Variants in FBXO8 observed in about 807,000 individuals in gnomAD.
The protein encoded by FBXO8 is F-box only protein 8.
Under a neutral mutation model 33.4 loss-of-function variants are expected in FBXO8, and 15 were observed. That is an observed-to-expected ratio of 0.45 (90% CI 0.30 to 0.69). The LOEUF (loss-of-function observed/expected upper bound fraction) is 0.69. Ranked by LOEUF, FBXO8 falls within the 30% of genes least tolerant of loss-of-function variation. FBXO8 has a pLI of 0.08. For synonymous variants in FBXO8, 132 were observed against 131.5 expected, an observed-to-expected ratio of 1.00 and a Z score of -0.02; for missense variants, 274 against 380.3, an observed-to-expected ratio of 0.72 and a Z score of 2.32.
chr4:174,245,707 A>G lies in FBXO8; in HGVS notation c.457-4489T>C, dbSNP rs1216533402. Among the ~76,000 whole-genome samples the G allele has an allele frequency of 6.6e-6, 1 of 151,996 alleles. No individual in the cohort carries two copies. Among genetic ancestry groups the G allele is most frequent in the East Asian group, 1.9e-4 (1 of 5,196 alleles). On this transcript the variant is annotated intron_variant, in intron 3 of 5. Coordinates refer to ENST00000393674, the MANE Select transcript of FBXO8 (RefSeq NM_012180.3). The surrounding 1 kb of genome is among the most constrained non-coding windows in gnomAD (Gnocchi z 4.6). ...TGAAAGAAAAATTAGATAGTGGGCTATTCAGCGGAGCACTCACTTAAAAAA... is the reference window on the plus strand; with the variant it reads ...TGAAAGAAAAATTAGATAGTGGGCTGTTCAGCGGAGCACTCACTTAAAAAA...
rs151151331 is a variant in FBXO8, at chr4:174,267,988, G to T, written c.-8-4888C>A. On this transcript the variant is annotated intron_variant, in intron 1 of 5. Coordinates refer to ENST00000393674, the MANE Select transcript of FBXO8 (RefSeq NM_012180.3). The surrounding 1 kb of genome is among the most constrained non-coding windows in gnomAD (Gnocchi z 4.7). ...AGCTTTATTTGTTCACTCAAAATAG[G>T]TGGAGAAAATAGATATTTATTTCTT... Among the ~76,000 whole-genome samples, 152 of 152,298 alleles carry T rather than the reference G, an allele frequency of 1.0e-3. No individual in the cohort carries two copies. The highest frequency in any genetic ancestry group is 3.6e-3 in the African/African-American group (149 of 41,568).
rs1370796831 is a variant in FBXO8 at position 174,251,451 on chromosome 4, CT to C, written c.456+8247del. ...GATTCTACACCACATGTTGGAGTGA[CT>C]CTGGGAGAAAAGGGAAAAGGAGGGT... On this transcript the variant is annotated intron_variant, in intron 3 of 5. Coordinates refer to ENST00000393674, the MANE Select transcript of FBXO8 (RefSeq NM_012180.3). The surrounding 1 kb of genome is among the most constrained non-coding windows in gnomAD (Gnocchi z 4.2). Among the ~76,000 whole-genome samples the C allele has an allele frequency of 6.6e-6, 1 of 152,068 alleles. No homozygotes were observed. Among genetic ancestry groups the C allele is most frequent in the Non-Finnish European group, 1.5e-5 (1 of 68,006 alleles).
In FBXO8 at chr4:174,283,543, C is replaced by T. The variant is rs1487834447; in HGVS notation, c.-142G>A. The stretch of plus-strand genomic sequence containing the variant: ...GAAGCTGATTCAAACTTTACTTGTC[C>T]ACACCGGTAGAGGTGACCGCGATGA... On this transcript the variant is annotated 5_prime_UTR_variant, in exon 1 of 6. Transcript: ENST00000393674. This position sits in a 1 kb window ranked among gnomAD's most constrained non-coding sequence, Gnocchi z 6.7. 1.5e-5 allele frequency: 3 copies of T among 206,000 alleles called. No homozygotes were observed. The highest frequency in any genetic ancestry group is 6.0e-5 in the Admixed American group (1 of 16,766). 12.8% of individuals were successfully genotyped at this position (206,000 alleles called of 1,614,324 possible). A position where few individuals can be genotyped will look rare whatever the true frequency, so the allele number is the denominator to read the frequency against.
intron 3 of FBXO8, among the ~76,000 whole-genome samples, chr4:174,250,039 G>A (rs971059867): frequency 6.6e-6 from 1 of 151,918 alleles, no homozygotes; most frequent in Non-Finnish European, 1.5e-5. Flanking sequence ...TGTTGTAGTT[G>A]TACCTTTAGT....
rs1348377236 is a variant in FBXO8, at chr4:174,277,881, ACT to A, written c.-9+5527_-9+5528del. Among the ~76,000 whole-genome samples the A allele has an allele frequency of 6.6e-6, 1 of 152,070 alleles. No individual in the cohort carries two copies. Among genetic ancestry groups the A allele is most frequent in the Non-Finnish European group, 1.5e-5 (1 of 67,960 alleles). ...CAGTGCTTTTAAGTAAAAAGTAGCA[ACT>A]CTATTTTTGGTTACTTCAGGTTTTA... On this transcript the variant is annotated intron_variant, in intron 1 of 5. Coordinates refer to ENST00000393674, the MANE Select transcript of FBXO8 (RefSeq NM_012180.3). This position sits in a 1 kb window ranked among gnomAD's most constrained non-coding sequence, Gnocchi z 4.9.
chr4:174,281,652 A>G lies in FBXO8; in HGVS notation c.-9+1758T>C, dbSNP rs181535842. ...GGCTACAGTGAGTCTTGTTCGCACC[A>G]CTGCACTCCAGCCTGGGCAACAGAA... On this transcript the variant is annotated intron_variant, in intron 1 of 5. Coordinates refer to ENST00000393674, the MANE Select transcript of FBXO8 (RefSeq NM_012180.3). The surrounding 1 kb of genome is among the most constrained non-coding windows in gnomAD (Gnocchi z 4.6). 6.6e-6 allele frequency among the ~76,000 whole-genome samples: 1 copy of G among 152,272 alleles called. No individual in the cohort carries two copies. Among genetic ancestry groups the G allele is most frequent in the Admixed American group, 6.5e-5 (1 of 15,290 alleles).
chr4:174,250,160 A>C (rs979893198), intron 3 of FBXO8, among the ~76,000 whole-genome samples: 2 of 152,026 alleles, frequency 1.3e-5, no homozygotes, highest in African/African-American at 4.8e-5. Flanking sequence ...TCCCCATTTT[A>C]CAGATGGGGA....
chr4:174,277,142 T>G lies in FBXO8; in HGVS notation c.-9+6268A>C, dbSNP rs1037207304. Among the ~76,000 whole-genome samples the G allele has an allele frequency of 6.6e-5, 10 of 152,166 alleles. No homozygotes were observed. The highest frequency in any genetic ancestry group is 2.2e-4 in the African/African-American group (9 of 41,446). On this transcript the variant is annotated intron_variant, in intron 1 of 5. Coordinates refer to ENST00000393674, the MANE Select transcript of FBXO8 (RefSeq NM_012180.3). This position sits in a 1 kb window ranked among gnomAD's most constrained non-coding sequence, Gnocchi z 4.9. ...GGATTAACTACAAATAATTACACAT[T>G]TATTAAAATTTATAAGAACAATAAT...
At position 174,267,515 on chromosome 4, in the gene FBXO8, C is replaced by A. The variant is rs578207362; in HGVS notation, c.-8-4415G>T. ...TGAGCTATGATCACACCACTGCACT[C>A]CAGCCTGAGTGACAGAGTGAGACCT... is the stretch of plus-strand genomic sequence containing the variant. On this transcript the variant is annotated intron_variant, in intron 1 of 5. Coordinates refer to ENST00000393674, the MANE Select transcript of FBXO8 (RefSeq NM_012180.3). This position sits in a 1 kb window ranked among gnomAD's most constrained non-coding sequence, Gnocchi z 4.7. 5.5e-4 allele frequency among the ~76,000 whole-genome samples: 84 copies of A among 152,108 alleles called. No homozygotes were observed. Among genetic ancestry groups the A allele is most frequent in the Admixed American group, 4.1e-3 (62 of 15,274 alleles).
chr4:174,262,208 G>C lies in FBXO8; in HGVS notation c.329+556C>G, dbSNP rs546709186. Among the ~76,000 whole-genome samples the C allele has an allele frequency of 1.3e-5, 2 of 152,102 alleles. No homozygotes were observed. The highest frequency in any genetic ancestry group is 2.9e-5 in the Non-Finnish European group (2 of 67,966). On this transcript the variant is annotated intron_variant, in intron 2 of 5. Coordinates refer to ENST00000393674, the MANE Select transcript of FBXO8 (RefSeq NM_012180.3). The surrounding 1 kb of genome is among the most constrained non-coding windows in gnomAD (Gnocchi z 4.6). ...CTTTCTAATATTTGCCTACTTCATT[G>C]AAATGCTGGTTAGAAAAAAAAAGTA...
At chr4:174,282,694 A>G (rs1202593142) in intron 1 of FBXO8, among the ~76,000 whole-genome samples, 1 of 152,160 alleles carries the variant, frequency 6.6e-6, no homozygotes, top group Non-Finnish European at 1.5e-5. Context: ...AAATCATGAT[A>G]TATTCATTTG....
In FBXO8 at chr4:174,267,701, A is replaced by T. The variant is rs1736725491; in HGVS notation, c.-8-4601T>A. Among the ~76,000 whole-genome samples, 1 of 152,226 alleles carries T rather than the reference A, an allele frequency of 6.6e-6. No homozygotes were observed. Among genetic ancestry groups the T allele is most frequent in the African/African-American group, 2.4e-5 (1 of 41,470 alleles). ...ACTGAACCAATTAAAACTTAATTTCAAAGTATAAAGTTTTCAGATTTGTGT... is the reference window on the plus strand; with the variant it reads ...ACTGAACCAATTAAAACTTAATTTCTAAGTATAAAGTTTTCAGATTTGTGT... On this transcript the variant is annotated intron_variant, in intron 1 of 5. Coordinates refer to ENST00000393674, the MANE Select transcript of FBXO8 (RefSeq NM_012180.3). This position sits in a 1 kb window ranked among gnomAD's most constrained non-coding sequence, Gnocchi z 4.7.
Position 174,272,008 on chromosome 4 carries a change from G to A in FBXO8, c.-8-8908C>T, listed in dbSNP as rs1005341188. On this transcript the variant is annotated intron_variant, in intron 1 of 5. Transcript: ENST00000393674. The surrounding 1 kb of genome is among the most constrained non-coding windows in gnomAD (Gnocchi z 4.7). ...TTCCAGTTTACTTGGGACCCCCTTAGGGGCTACAAAGAAACTCCTAAGGCA... is the reference window on the plus strand; with the variant it reads ...TTCCAGTTTACTTGGGACCCCCTTAAGGGCTACAAAGAAACTCCTAAGGCA... Among the ~76,000 whole-genome samples, 1 of 152,138 alleles carries A rather than the reference G, an allele frequency of 6.6e-6. No individual in the cohort carries two copies. Among genetic ancestry groups the A allele is most frequent in the African/African-American group, 2.4e-5 (1 of 41,432 alleles).
At position 174,259,452 on chromosome 4, in the gene FBXO8, G is replaced by A. The variant is rs1736492914; in HGVS notation, c.456+247C>T. Among the ~76,000 whole-genome samples, 1 of 152,080 alleles carries A rather than the reference G, an allele frequency of 6.6e-6. No individual in the cohort carries two copies. The highest frequency in any genetic ancestry group is 2.1e-4 in the South Asian group (1 of 4,826). The stretch of plus-strand genomic sequence containing the variant: ...TACTAATATTGTAATCAGGTCAGTA[G>A]AGGACTGAATATATATCATGGATGC... On this transcript the variant is annotated intron_variant, in intron 3 of 5. Transcript: ENST00000393674. This position sits in a 1 kb window ranked among gnomAD's most constrained non-coding sequence, Gnocchi z 4.3.
Position 174,241,232 on chromosome 4 carries a change from A to G in FBXO8, c.457-14T>C, listed in dbSNP as rs528824518. Reference sequence around the variant, plus strand: ...GTAGTTCACTCCCTAAGGCAGAAAGACAAGTCTACATAAATAAAATTGCTC... The same window carrying G: ...GTAGTTCACTCCCTAAGGCAGAAAGGCAAGTCTACATAAATAAAATTGCTC... On this transcript the variant is annotated splice_polypyrimidine_tract_variant and intron_variant, in intron 3 of 5. Transcript: ENST00000393674. This position sits in a 1 kb window ranked among gnomAD's most constrained non-coding sequence, Gnocchi z 4.2. 7 of 1,465,086 alleles carry G rather than the reference A, an allele frequency of 4.8e-6. No individual in the cohort carries two copies. Among genetic ancestry groups the G allele is most frequent in the Middle Eastern group, 1.7e-4 (1 of 5,734 alleles). 90.8% of individuals were successfully genotyped at this position (1,465,086 alleles called of 1,614,324 possible).
chr4:174,248,736 A>G (rs1472010814), intron 3 of FBXO8, among the ~76,000 whole-genome samples: 1 of 152,086 alleles, frequency 6.6e-6, no homozygotes, highest in Non-Finnish European at 1.5e-5. Context: ...ATGTATAAAC[A>G]TTGTTTGAAT....
At position 174,272,933 on chromosome 4, in the gene FBXO8, AT is replaced by A. The variant is rs1221275983; in HGVS notation, c.-8-9834del. Among the ~76,000 whole-genome samples, 2 of 152,168 alleles carry A rather than the reference AT, an allele frequency of 1.3e-5. No homozygotes were observed. Among genetic ancestry groups the A allele is most frequent in the Non-Finnish European group, 2.9e-5 (2 of 68,034 alleles). ...ATAGTATTCCAGCCAAAAATCCATA[AT>A]CTGAATTTAATAGGGAATATCAGAG... On this transcript the variant is annotated intron_variant, in intron 1 of 5. Transcript: ENST00000393674. The surrounding 1 kb of genome is among the most constrained non-coding windows in gnomAD (Gnocchi z 4.7).
At chr4:174,279,432 A>G (rs1235456106) in intron 1 of FBXO8, among the ~76,000 whole-genome samples, 2 of 152,112 alleles carry the variant, frequency 1.3e-5, no homozygotes, top group East Asian at 1.9e-4. Context: ...AATACCACCC[A>G]AAGTGATCTA....
intron 3 of FBXO8, among the ~76,000 whole-genome samples, chr4:174,249,305 T>C (rs1411421205): frequency 6.6e-6 from 1 of 152,028 alleles, no homozygotes. Context: ...CTAACCTGTC[T>C]CTATATTAGA....
Sources: allele counts gnomAD v4.1 joint callset (sites outside exome capture counted in the v4.1 genomes callset), GRCh38; gene constraint gnomAD v4.1.1; non-coding constraint Gnocchi (gnomAD v3.1); transcripts MANE v1.5; gene names NCBI Gene and HGNC (gene_info 2026-07-23, HGNC 2026-07-21).